The following ITGA11 variants were observed in gnomAD, a reference collection of about 807,000 sequenced individuals.
The protein encoded by ITGA11 is integrin alpha-11.
In ITGA11, 97 loss-of-function variants were observed where a neutral mutation model predicts 141.9. The ratio of observed to expected loss-of-function variants is 0.68; its 90% CI spans 0.58 to 0.81. ITGA11 has a LOEUF of 0.81. Among genes scored for constraint, ITGA11 ranks in the 30% least tolerant of loss-of-function variants. ITGA11 has a pLI of 0.00. For missense variants in ITGA11, 1,387 were observed against 1,559.2 expected (o/e 0.89, Z 1.86); for synonymous variants, 658 against 624.6 (o/e 1.05, Z -0.80).
At chr15:68,367,176 A>G (rs944180860) in intron 3 of ITGA11, among the ~76,000 whole-genome samples, 20 of 152,232 alleles carry the variant, frequency 1.3e-4, no homozygotes, top group African/African-American at 4.3e-4. Flanking sequence ...AATGCTTTCC[A>G]GGGTCTCATG....
At chr15:68,368,486 G>A (rs1395978393) in intron 3 of ITGA11, among the ~76,000 whole-genome samples, 2 of 152,210 alleles carry the variant, frequency 1.3e-5, no homozygotes, top group East Asian at 3.8e-4. Flanking sequence ...AAACACACAC[G>A]AGTAGATTTT....
rs542265306 is a variant in ITGA11 at position 68,361,096 on chromosome 15, C to T, written c.472+494G>A. The stretch of plus-strand genomic sequence containing the variant: ...GTTTTACGTTCCATGAGGCTCTGGA[C>T]GAGCTGGACAGAACTCCCTGCTGTC... On this transcript the variant is annotated intron_variant, in intron 5 of 29. Transcript: ENST00000315757. Among the ~76,000 whole-genome samples, 4 of 152,254 alleles carry T rather than the reference C, an allele frequency of 2.6e-5. No homozygotes were observed. In the East Asian group the frequency reaches 7.7e-4, roughly 29 times the overall value.
At chr15:68,334,113 C>T (rs906248481) in intron 12 of ITGA11, among the ~76,000 whole-genome samples, 1 of 152,238 alleles carries the variant, frequency 6.6e-6, no homozygotes. Context: ...CCCCCACTCC[C>T]TCTGCTGGGA....
At chr15:68,365,712 T>A (rs1027779284) in intron 3 of ITGA11, among the ~76,000 whole-genome samples, 4 of 151,658 alleles carry the variant, frequency 2.6e-5, no homozygotes, top group East Asian at 1.9e-4. Context: ...TCTTTTTTTT[T>A]AATTTTCCCT....
At chr15:68,357,891 G>A (rs542958077) in intron 6 of ITGA11, among the ~76,000 whole-genome samples, 2 of 152,142 alleles carry the variant, frequency 1.3e-5, no homozygotes, top group African/African-American at 2.4e-5. Flanking sequence ...TTCTGGTGAT[G>A]GGGAACTCAT....
intron 6 of ITGA11, 97 bp downstream of exon 6, chr15:68,358,361 T>A: frequency 7.3e-7 from 1 of 1,372,396 alleles, no homozygotes; most frequent in Admixed American, 2.7e-5. Context: ...CTACACCTCC[T>A]TCGTGCATGC....
At chr15:68,361,949 G>T in intron 4 of ITGA11, 1 of 431,068 alleles carries the variant, frequency 2.3e-6, no homozygotes, top group South Asian at 2.6e-5. Context: ...TTTTTTCAAG[G>T]CCCTGTTCTC....
At chr15:68,367,456 G>GC (rs1386009730) in intron 3 of ITGA11, among the ~76,000 whole-genome samples, 1 of 151,976 alleles carries the variant, frequency 6.6e-6, no homozygotes, top group Non-Finnish European at 1.5e-5. Flanking sequence ...GGAGTGCTCC[G>GC]CCCCCACCTG....
At chr15:68,379,570 G>A (rs548865574) in intron 2 of ITGA11, among the ~76,000 whole-genome samples, 1 of 152,286 alleles carries the variant, frequency 6.6e-6, no homozygotes, top group Admixed American at 6.5e-5. Flanking sequence ...AGCACAGCTG[G>A]GCCGAACTCT....
intron 1 of ITGA11, among the ~76,000 whole-genome samples, chr15:68,427,012 CAAAAAAAAAAA>C (rs148867034): frequency 6.3e-5 from 3 of 47,828 alleles, no homozygotes; most frequent in East Asian, 7.9e-4. Context: ...AAGACTGTCT[CAAAAAAAAAAA>C]AAAAAAAAAA....
At chr15:68,394,822 A>G (rs1220139195) in intron 2 of ITGA11, among the ~76,000 whole-genome samples, 1 of 152,206 alleles carries the variant, frequency 6.6e-6, no homozygotes, top group Non-Finnish European at 1.5e-5. Flanking sequence ...TTTGAATGAA[A>G]TGTACAAATT....
rs1296049460 is a variant in ITGA11, at chr15:68,305,665, C to T, written c.3381+1683G>A. 3.3e-5 allele frequency among the ~76,000 whole-genome samples: 5 copies of T among 152,230 alleles called. No individual in the cohort carries two copies. The highest frequency in any genetic ancestry group is 7.3e-5 in the Non-Finnish European group (5 of 68,046). On this transcript the variant is annotated intron_variant, in intron 28 of 29. Transcript: ENST00000315757. The surrounding 1 kb of genome is among the most constrained non-coding windows in gnomAD (Gnocchi z 4.6). Reference sequence around the variant, plus strand: ...TGTCCCTCCTGCCTCATCTCACATGCCTCGGTGTGCATACCTGAGAGATGG... The same window carrying T: ...TGTCCCTCCTGCCTCATCTCACATGTCTCGGTGTGCATACCTGAGAGATGG...
In ITGA11 at chr15:68,311,582, C is replaced by T. The variant is rs182797414; in HGVS notation, c.2974-179G>A. Among the ~76,000 whole-genome samples, 215 of 152,190 alleles carry T rather than the reference C, an allele frequency of 1.4e-3. 1 individual carries two copies. The highest frequency in any genetic ancestry group is 4.6e-3 in the African/African-American group (193 of 41,538). ...CTCCTAAGCTCTGTCAAATTGTGGCCGGGGACTGCATGGACAAGTGCAAGA... is the reference window on the plus strand; with the variant it reads ...CTCCTAAGCTCTGTCAAATTGTGGCTGGGGACTGCATGGACAAGTGCAAGA... On this transcript the variant is annotated intron_variant, in intron 24 of 29. Coordinates refer to ENST00000315757, the MANE Select transcript of ITGA11 (RefSeq NM_001004439.2).
At chr15:68,332,547 G>A (rs544440950) in intron 12 of ITGA11, 69 bp from the exon 13 acceptor site, 30 of 1,532,220 alleles carry the variant, frequency 2.0e-5, no homozygotes, top group South Asian at 1.9e-4. Context: ...CCCTCGCCTC[G>A]CGGGCAGAGG....
Position 68,321,356 on chromosome 15 carries a change from C to G in ITGA11, c.2408+62G>C, listed in dbSNP as rs902309019. The G allele has an allele frequency of 1.9e-6, 2 of 1,042,056 alleles. No homozygotes were observed. The highest frequency in any genetic ancestry group is 1.7e-5 in the African/African-American group (1 of 58,798). 64.6% of individuals were successfully genotyped at this position (1,042,056 alleles called of 1,614,324 possible). A position where few individuals can be genotyped will look rare whatever the true frequency, so the allele number is the denominator to read the frequency against. On this transcript the variant is annotated intron_variant, in intron 19 of 29. Coordinates refer to ENST00000315757, the MANE Select transcript of ITGA11 (RefSeq NM_001004439.2). This position sits in a 1 kb window ranked among gnomAD's most constrained non-coding sequence, Gnocchi z 4.9. ...AGGAAATAATCCAGGGCCCCAGGAGCCCCAGAGCCTCTGGCAGTGAAGGGG... is the reference window on the plus strand; with the variant it reads ...AGGAAATAATCCAGGGCCCCAGGAGGCCCAGAGCCTCTGGCAGTGAAGGGG...
intron 12 of ITGA11, among the ~76,000 whole-genome samples, chr15:68,334,075 G>A (rs1034733996): frequency 2.6e-5 from 4 of 152,278 alleles, no homozygotes; most frequent in African/African-American, 9.6e-5. Context: ...TTTTCCATGT[G>A]CCTTCAGCTC....
chr15:68,296,801 C>A lies in ITGA11; in HGVS notation c.*6258G>T, dbSNP rs1028906488. The A allele has an allele frequency of 1.3e-5, 2 of 150,308 alleles. No homozygotes were observed. The highest frequency in any genetic ancestry group is 4.9e-5 in the African/African-American group (2 of 40,656). 9.3% of individuals were successfully genotyped at this position (150,308 alleles called of 1,614,324 possible). On this transcript the variant is annotated 3_prime_UTR_variant, in exon 30 of 30. Transcript: ENST00000315757. ...TGAGTTTTAGATCCTGCTTGTAAGG[C>A]TGTCTCTATTCCAAGTCATACTTTT...
chr15:68,417,923 G>C (rs1896925248), intron 1 of ITGA11, among the ~76,000 whole-genome samples: 1 of 152,204 alleles, frequency 6.6e-6, no homozygotes, highest in Admixed American at 6.5e-5. Flanking sequence ...AATAATTACA[G>C]GTGGTTATAA....
chr15:68,398,827 A>C (rs1372081870), intron 2 of ITGA11, among the ~76,000 whole-genome samples: 1 of 76 alleles, frequency 0.013, no homozygotes, highest in African/African-American at 0.017. Context: ...ATAGTATAAA[A>C]TATAAATATT....
Sources: gnomAD v4.1 joint callset for allele counts (sites outside exome capture counted in the v4.1 genomes callset) on GRCh38, gnomAD v4.1.1 for gene constraint, Gnocchi (gnomAD v3.1) non-coding constraint, MANE v1.5 for transcripts, NCBI Gene and HGNC (gene_info 2026-07-23, HGNC 2026-07-21) for gene names.